The following AQR variants were observed in gnomAD, a reference collection of about 807,000 sequenced individuals.
AQR encodes RNA helicase aquarius.
AQR carries 61 observed loss-of-function variants against 180.5 expected under a neutral mutation model. The observed-to-expected ratio is 0.34, with a 90% CI of 0.28 to 0.42. The LOEUF (loss-of-function observed/expected upper bound fraction) is 0.42. AQR is among the 10% of genes least tolerant of loss of function. AQR has a pLI of 1.00. For missense variants in AQR, 1,281 were observed against 1,798.3 expected (o/e 0.71, Z 5.20); for synonymous variants, 551 against 588.8 (o/e 0.94, Z 0.93).
intron 15 of AQR, among the ~76,000 whole-genome samples, chr15:34,917,808 C>A (rs1361155574): frequency 7.3e-6 from 1 of 137,038 alleles, no homozygotes; most frequent in Non-Finnish European, 1.6e-5. Flanking sequence ...CATGGCGAGA[C>A]CTTGTCTCTA....
rs377730417 is a variant in AQR at position 34,943,229 on chromosome 15, G to T, written c.471+1059C>A. 2.5e-6 allele frequency: 4 copies of T among 1,609,918 alleles called. No individual in the cohort carries two copies. The African/African-American group carries it at 5.3e-5, about 22-fold the overall frequency. On this transcript the variant is annotated intron_variant, in intron 6 of 34. Transcript: ENST00000156471. ...ACAGGAAGCAGAGTGGCTATGGTGG[G>T]CAAACTAAGCCAATTTTCTGGAAAA...
intron 2 of AQR, among the ~76,000 whole-genome samples, chr15:34,963,135 G>A (rs1318927577): frequency 6.6e-6 from 1 of 152,080 alleles, no homozygotes; most frequent in East Asian, 1.9e-4. Flanking sequence ...GTGAGCCACT[G>A]CACAAGCCAA....
At chr15:34,927,191 A>C in intron 12 of AQR, 53 bp from the exon 13 acceptor site, 1 of 987,664 alleles carries the variant, frequency 1.0e-6, no homozygotes, top group Non-Finnish European at 1.4e-6. Context: ...TATTAATATA[A>C]ACATCTACTA....
chr15:34,906,851 G>A (rs928039081), intron 17 of AQR, 139 bp from the exon 18 acceptor site: 2 of 737,754 alleles, frequency 2.7e-6, no homozygotes. Flanking sequence ...TTATCGCATT[G>A]TAACACAATT....
intron 23 of AQR, among the ~76,000 whole-genome samples, 200 bp downstream of exon 23, chr15:34,893,463 A>C (rs1320159122): frequency 2.6e-5 from 4 of 152,194 alleles, no homozygotes; most frequent in Non-Finnish European, 5.9e-5. Flanking sequence ...ATGCCAGAAT[A>C]TATTAGGGAA....
chr15:34,965,466 T>A (rs945243093), intron 1 of AQR, among the ~76,000 whole-genome samples: 1 of 151,328 alleles, frequency 6.6e-6, no homozygotes, highest in Non-Finnish European at 1.5e-5. Flanking sequence ...AGGTCAGGAG[T>A]TCAAGACCAG....
chr15:34,921,650 T>C (rs1362883117), intron 13 of AQR, among the ~76,000 whole-genome samples: 2 of 152,140 alleles, frequency 1.3e-5, no homozygotes, highest in Non-Finnish European at 2.9e-5. Context: ...CTTCATAGCT[T>C]TCCACTATTT....
chr15:34,911,156 T>G (rs368593618), intron 16 of AQR, among the ~76,000 whole-genome samples: 5 of 152,338 alleles, frequency 3.3e-5, no homozygotes, highest in South Asian at 2.1e-4. Context: ...TTTTTATATA[T>G]GTACACACAC....
intron 34 of AQR, among the ~76,000 whole-genome samples, chr15:34,859,569 G>A (rs1892639622): frequency 6.6e-6 from 1 of 152,118 alleles, no homozygotes; most frequent in South Asian, 2.1e-4. Context: ...AAAGTACAAA[G>A]ACTTGTATAA....
rs553494824 is a variant in AQR at position 34,888,708 on chromosome 15, A to G, written c.2681+1507T>C. 4.6e-5 allele frequency among the ~76,000 whole-genome samples: 7 copies of G among 152,326 alleles called. No homozygotes were observed. In the East Asian group the frequency reaches 1.2e-3, roughly 25 times the overall value. On this transcript the variant is annotated intron_variant, in intron 24 of 34. Transcript: ENST00000156471. Reference sequence around the variant, plus strand: ...TGAAACTCTGTCTCAAAAAAACAAAAAAAGCAACATAAAAATTACAAATAA... The same window carrying G: ...TGAAACTCTGTCTCAAAAAAACAAAGAAAGCAACATAAAAATTACAAATAA...
Position 34,920,806 on chromosome 15 carries a change from A to G in AQR, c.1119-372T>C, listed in dbSNP as rs983954367. Among the ~76,000 whole-genome samples, 4 of 152,160 alleles carry G rather than the reference A, an allele frequency of 2.6e-5. No individual in the cohort carries two copies. In the South Asian group the frequency reaches 6.2e-4, roughly 24 times the overall value. On this transcript the variant is annotated intron_variant, in intron 13 of 34. Transcript: ENST00000156471. Reference sequence around the variant, plus strand: ...ATTCCGTCTCTACTAAAAATACAAAAAATTAGCCGGGCGTGGTGGCGGGCG... The same window carrying G: ...ATTCCGTCTCTACTAAAAATACAAAGAATTAGCCGGGCGTGGTGGCGGGCG...
intron 6 of AQR, chr15:34,943,414 T>A (rs749860731): frequency 3.9e-5 from 40 of 1,028,528 alleles, no homozygotes; most frequent in Non-Finnish European, 5.1e-5. Context: ...TCTTTTATTA[T>A]GAAGACAATA....
intron 9 of AQR, among the ~76,000 whole-genome samples, chr15:34,936,334 C>T (rs1476851361): frequency 6.6e-6 from 1 of 152,162 alleles, no homozygotes; most frequent in Non-Finnish European, 1.5e-5. Flanking sequence ...TCTTCATACC[C>T]ATTCTGAACT....
intron 8 of AQR, among the ~76,000 whole-genome samples, chr15:34,939,290 A>C (rs1893989726): frequency 6.6e-6 from 1 of 152,134 alleles, no homozygotes; most frequent in South Asian, 2.1e-4. Flanking sequence ...GGTGTTCTTG[A>C]ACTCCTGACC....
At chr15:34,890,584 C>T (rs993776566) in intron 23 of AQR, among the ~76,000 whole-genome samples, 9 of 152,184 alleles carry the variant, frequency 5.9e-5, no homozygotes, top group African/African-American at 2.2e-4. Flanking sequence ...GGCTCAGATG[C>T]TATTTCTTCC....
intron 3 of AQR, among the ~76,000 whole-genome samples, chr15:34,958,387 G>A (rs967833338): frequency 2.6e-5 from 4 of 151,976 alleles, no homozygotes; most frequent in Admixed American, 6.6e-5. Flanking sequence ...ATGGTGGTTT[G>A]TGCCTGTGGT....
rs537287639 is a variant in AQR at position 34,961,100 on chromosome 15, G to T, written c.133-286C>A. Among the ~76,000 whole-genome samples the T allele has an allele frequency of 9.2e-5, 14 of 152,040 alleles. 1 individual carries two copies. Among genetic ancestry groups the T allele is most frequent in the Non-Finnish European group, 2.1e-4 (14 of 67,980 alleles). The stretch of plus-strand genomic sequence containing the variant: ...GGGAAAATAAAAATTCACAAGATCA[G>T]GATTTTTTTTAAACTTAAAGTGTAT... On this transcript the variant is annotated intron_variant, in intron 2 of 34. Coordinates refer to ENST00000156471, the MANE Select transcript of AQR (RefSeq NM_014691.3).
chr15:34,900,913 A>G, intron 19 of AQR, 50 bp from the exon 20 acceptor site: 1 of 1,529,348 alleles, frequency 6.5e-7, no homozygotes, highest in Admixed American at 2.0e-5. Flanking sequence ...CATCTCCAAC[A>G]TTTGCACTTA....
chr15:34,948,973 G>A (rs1306356009), intron 4 of AQR, among the ~76,000 whole-genome samples: 1 of 151,752 alleles, frequency 6.6e-6, no homozygotes, highest in Non-Finnish European at 1.5e-5. Flanking sequence ...CAAACCACCG[G>A]ATATTCCCTT....
Sources: allele counts gnomAD v4.1 joint callset (sites outside exome capture counted in the v4.1 genomes callset), GRCh38; gene constraint gnomAD v4.1.1; transcripts MANE v1.5; gene names NCBI Gene and HGNC (gene_info 2026-07-23, HGNC 2026-07-21).